The following PIP5K1B variants were observed in gnomAD, a reference collection of about 807,000 sequenced individuals.
PIP5K1B encodes the protein phosphatidylinositol-4-phosphate 5-kinase type 1 beta.
A neutral mutation model predicts 67.0 loss-of-function variants in PIP5K1B; 42 were observed. The ratio of observed to expected loss-of-function variants is 0.63; its 90% CI spans 0.49 to 0.81. The LOEUF (loss-of-function observed/expected upper bound fraction) is 0.81, where lower values mean the gene tolerates loss of function less well. PIP5K1B is among the 30% of genes least tolerant of loss of function. PIP5K1B has a pLI of 0.00. For synonymous variants in PIP5K1B, 214 were observed against 231.4 expected (o/e 0.92, Z 0.68); for missense variants, 459 against 646.3 (o/e 0.71, Z 3.14).
At chr9:68,853,404 G>A (rs1822593713) in intron 4 of PIP5K1B, among the ~76,000 whole-genome samples, 1 of 152,198 alleles carries the variant, frequency 6.6e-6, no homozygotes, top group Admixed American at 6.5e-5. Flanking sequence ...TATGTCATGA[G>A]TAACCCACAT....
chr9:69,003,804 G>A lies in PIP5K1B; in HGVS notation c.1621-4643G>A, dbSNP rs565157678. 4.9e-4 allele frequency among the ~76,000 whole-genome samples: 74 copies of A among 152,210 alleles called. 1 individual carries two copies. In the South Asian group the frequency reaches 0.014, roughly 28 times the overall value. Reference sequence around the variant, plus strand: ...TTCCTGTGGCTCTGAAAAGTAAACCGAGGCCATCTGAGTTGGGAAGCCCTC... The same window carrying A: ...TTCCTGTGGCTCTGAAAAGTAAACCAAGGCCATCTGAGTTGGGAAGCCCTC... On this transcript the variant is annotated intron_variant, in intron 15 of 15. Coordinates refer to ENST00000265382, the MANE Select transcript of PIP5K1B (RefSeq NM_003558.4).
intron 2 of PIP5K1B, chr9:68,780,466 C>T (rs764737994): frequency 6.2e-7 from 1 of 1,614,242 alleles, no homozygotes; most frequent in Non-Finnish European, 8.5e-7. Flanking sequence ...AACCGAGAGA[C>T]GGTCCACGAA....
chr9:68,783,830 A>G (rs945168742), intron 2 of PIP5K1B: 6 of 167,050 alleles, frequency 3.6e-5, no homozygotes, highest in Non-Finnish European at 8.8e-5. Flanking sequence ...TACAGCAACT[A>G]GAGTCATTCT....
intron 8 of PIP5K1B, among the ~76,000 whole-genome samples, chr9:68,900,767 C>T (rs945398840): frequency 5.3e-5 from 8 of 152,018 alleles, no homozygotes; most frequent in South Asian, 2.1e-4. Context: ...TCTTTTTTCA[C>T]ACAAATGACT....
chr9:68,736,070 G>A (rs1248993337), intron 1 of PIP5K1B, among the ~76,000 whole-genome samples: 2 of 152,182 alleles, frequency 1.3e-5, no homozygotes, highest in Admixed American at 6.5e-5. Context: ...CACGGAAAGC[G>A]CATGTGAGTG....
intron 14 of PIP5K1B, among the ~76,000 whole-genome samples, chr9:68,989,238 C>T (rs908419316): frequency 9.2e-5 from 14 of 151,568 alleles, no homozygotes; most frequent in African/African-American, 3.4e-4. Context: ...ATGTGCAGTT[C>T]CCAGGTTCCC....
In PIP5K1B at chr9:69,008,674, C is replaced by A. The variant is rs1831199313; in HGVS notation, c.*225C>A. 3 of 549,584 alleles carry A rather than the reference C, an allele frequency of 5.5e-6. No homozygotes were observed. Among genetic ancestry groups the A allele is most frequent in the Non-Finnish European group, 1.0e-5 (3 of 298,920 alleles). The allele number at this position is 549,584 out of a possible 1,614,324, so 34.0% of individuals were successfully genotyped here. ...CTATCATTTGCTGTTGCTTGCTGAA[C>A]TGTGAAGAACTGCATGAACTATATT... On this transcript the variant is annotated 3_prime_UTR_variant, in exon 16 of 16. Transcript: ENST00000265382.
At chr9:68,806,811 A>G (rs1310613559) in intron 2 of PIP5K1B, among the ~76,000 whole-genome samples, 2 of 152,174 alleles carry the variant, frequency 1.3e-5, no homozygotes, top group Admixed American at 1.3e-4. Flanking sequence ...CTCTAGGGAA[A>G]TTGTTGGTTT....
At chr9:68,939,149 G>A (rs7852633) in intron 13 of PIP5K1B, among the ~76,000 whole-genome samples, 3 of 152,134 alleles carry the variant, frequency 2.0e-5, no homozygotes, top group East Asian at 3.9e-4. Context: ...TTCTACCTAC[G>A]ACACTGGCTT....
In PIP5K1B at chr9:68,991,755, G is replaced by A. The variant is rs554154462; in HGVS notation, c.1620+498G>A. Among the ~76,000 whole-genome samples, 17 of 152,290 alleles carry A rather than the reference G, an allele frequency of 1.1e-4. No individual in the cohort carries two copies. In the South Asian group the frequency reaches 2.1e-3, roughly 19 times the overall value. Reference sequence around the variant, plus strand: ...GAAGGAACCTTTCTGACTGCCTAAGGAGGGAAATAATGCCCACCCTGCCTA... The same window carrying A: ...GAAGGAACCTTTCTGACTGCCTAAGAAGGGAAATAATGCCCACCCTGCCTA... On this transcript the variant is annotated intron_variant, in intron 15 of 15. Coordinates refer to ENST00000265382, the MANE Select transcript of PIP5K1B (RefSeq NM_003558.4).
chr9:68,727,805 A>C (rs1423650245), intron 1 of PIP5K1B: 2 of 152,186 alleles, frequency 1.3e-5, no homozygotes, highest in Non-Finnish European at 1.5e-5. Context: ...AGTGTGTCTC[A>C]TGGAAGGAAG....
chr9:68,840,946 A>G (rs544928874), intron 4 of PIP5K1B, among the ~76,000 whole-genome samples: 14 of 152,302 alleles, frequency 9.2e-5, no homozygotes, highest in African/African-American at 3.1e-4. Context: ...TCCTCTGTGC[A>G]TCTGCAGCTC....
At chr9:68,769,434 A>G (rs559435559) in intron 2 of PIP5K1B, among the ~76,000 whole-genome samples, 4 of 152,296 alleles carry the variant, frequency 2.6e-5, no homozygotes, top group Non-Finnish European at 5.9e-5. Context: ...AGTAGCATTA[A>G]TTGCATTTTC....
At chr9:68,796,336 A>T (rs895706543) in intron 2 of PIP5K1B, among the ~76,000 whole-genome samples, 2 of 146,732 alleles carry the variant, frequency 1.4e-5, no homozygotes, top group Non-Finnish European at 1.5e-5. Flanking sequence ...CAATGTTCTG[A>T]TGTACATCTG....
Position 69,007,994 on chromosome 9 carries a change from T to C in PIP5K1B, c.1621-453T>C, listed in dbSNP as rs1291182100. On this transcript the variant is annotated intron_variant, in intron 15 of 15. Transcript: ENST00000265382. ...TTAGCTGGCTCTGATTTTAAATAGC[T>C]ACCATTTAAATAGCTACCATTTGCT... Among the ~76,000 whole-genome samples the C allele has an allele frequency of 5.3e-5, 8 of 152,150 alleles. No individual in the cohort carries two copies. In the South Asian group the frequency reaches 6.2e-4, roughly 12 times the overall value.
At chr9:68,797,113 C>G (rs1159194163) in intron 2 of PIP5K1B, among the ~76,000 whole-genome samples, 1 of 152,184 alleles carries the variant, frequency 6.6e-6, no homozygotes, top group Non-Finnish European at 1.5e-5. Context: ...GTACCTGGCA[C>G]TGTCCTAGGG....
chr9:68,948,642 C>A (rs1343371717), intron 14 of PIP5K1B, among the ~76,000 whole-genome samples: 3 of 20,812 alleles, frequency 1.4e-4, no homozygotes, highest in Non-Finnish European at 7.5e-4. Flanking sequence ...CGAGACCTTG[C>A]CTCAAAAAAA....
chr9:68,843,347 GT>G (rs1281725745), intron 4 of PIP5K1B: 1 of 152,160 alleles, frequency 6.6e-6, no homozygotes, highest in Non-Finnish European at 1.5e-5. Flanking sequence ...TCAGCGCCAT[GT>G]TCTACTCACA....
At chr9:68,804,507 G>A (rs1832761417) in intron 2 of PIP5K1B, among the ~76,000 whole-genome samples, 1 of 152,074 alleles carries the variant, frequency 6.6e-6, no homozygotes, top group South Asian at 2.1e-4. Context: ...TTTGGAACTG[G>A]ACAGTCTGTG....
Sources: gnomAD v4.1 joint callset for allele counts (sites outside exome capture counted in the v4.1 genomes callset) on GRCh38, gnomAD v4.1.1 for gene constraint, MANE v1.5 for transcripts, NCBI Gene and HGNC (gene_info 2026-07-23, HGNC 2026-07-21) for gene names.